The following BLTP2 variants were observed in gnomAD, a reference collection of about 807,000 sequenced individuals.
BLTP2 encodes the protein bridge-like lipid transfer protein family member 2.
chr17:28,637,220 ACAATAGTCCT>A, the BLTP2 span: 1 of 1,420,452 alleles, frequency 7.0e-7, no homozygotes, highest in Non-Finnish European at 9.9e-7. Flanking sequence ...TCAAAGGGCA[ACAATAGTCCT>A]CACTCGCCTT....
At chr17:28,632,158 G>C in the BLTP2 span, 1 of 1,614,154 alleles carries the variant, frequency 6.2e-7, no homozygotes, top group Non-Finnish European at 8.5e-7. Context: ...GATAGGCCTT[G>C]TGACACTTGT....
At chr17:28,643,177 T>C in the BLTP2 span, 1 of 1,614,190 alleles carries the variant, frequency 6.2e-7, no homozygotes, top group South Asian at 1.1e-5. Flanking sequence ...GCAGAAGATC[T>C]TCAATAAGGA....
the BLTP2 span, among the ~76,000 whole-genome samples, chr17:28,615,401 T>C: frequency 6.6e-6 from 1 of 152,174 alleles, no homozygotes; most frequent in Non-Finnish European, 1.5e-5. Context: ...AAGCTTACAG[T>C]CTAATTATAA....
the BLTP2 span, chr17:28,643,773 C>T: frequency 1.9e-6 from 2 of 1,050,976 alleles, no homozygotes; most frequent in Admixed American, 1.9e-5. Context: ...AGCCATGTTG[C>T]CTTGAATCCC....
chr17:28,644,080 A>C, the BLTP2 span: 1 of 1,614,262 alleles, frequency 6.2e-7, no homozygotes, highest in Non-Finnish European at 8.5e-7. Context: ...GTGTTGCTGA[A>C]ACTTAAGACT....
At chr17:28,628,167 G>T in the BLTP2 span, 1 of 1,039,930 alleles carries the variant, frequency 9.6e-7, no homozygotes, top group Middle Eastern at 3.2e-4. Flanking sequence ...TCTTTACCTA[G>T]ATAGAAGCAC....
chr17:28,638,413 A>G, the BLTP2 span: 1 of 1,613,806 alleles, frequency 6.2e-7, no homozygotes, highest in Non-Finnish European at 8.5e-7. Context: ...AGGTGCTGGT[A>G]ATCTGAACAA....
the BLTP2 span, chr17:28,635,939 CA>C: frequency 1.6e-4 from 33 of 203,200 alleles, no homozygotes; most frequent in African/African-American, 7.4e-4. Flanking sequence ...CTCAATAAAT[CA>C]TCTGGCTTCA....
At chr17:28,635,718 A>G in the BLTP2 span, 17 of 1,165,562 alleles carry the variant, frequency 1.5e-5, no homozygotes, top group South Asian at 4.8e-5. Context: ...CTCCACCCAG[A>G]AGTTGTTCCT....
At chr17:28,619,778 A>G in the BLTP2 span, 7 of 1,614,134 alleles carry the variant, frequency 4.3e-6, no homozygotes, top group Non-Finnish European at 5.9e-6. Context: ...TGCAAAGACT[A>G]GGGAACCAGG....
At chr17:28,618,674 CATT>C in the BLTP2 span, 1 of 757,268 alleles carries the variant, frequency 1.3e-6, no homozygotes, top group East Asian at 2.5e-5. Flanking sequence ...ATGATACTAT[CATT>C]AATAATCATA....
At chr17:28,639,275 T>C in the BLTP2 span, 1 of 1,609,918 alleles carries the variant, frequency 6.2e-7, no homozygotes, top group Non-Finnish European at 8.5e-7. Context: ...TCCCAGAGAA[T>C]CCAACTGACA....
chr17:28,635,002 C>T, the BLTP2 span: 1 of 1,613,350 alleles, frequency 6.2e-7, no homozygotes. Context: ...TGGGACAGGG[C>T]TTGGAGAGGC....
At chr17:28,639,641 ATCT>A in the BLTP2 span, 3 of 1,614,046 alleles carry the variant, frequency 1.9e-6, no homozygotes, top group Non-Finnish European at 2.5e-6. Flanking sequence ...ACAACAACCC[ATCT>A]GTAAGAGGCC....
the BLTP2 span, chr17:28,621,224 T>TGA: frequency 4.5e-6 from 7 of 1,566,566 alleles, no homozygotes; most frequent in African/African-American, 9.5e-5. Flanking sequence ...AAAGATAATG[T>TGA]GAGAGCCTCC....
the BLTP2 span, among the ~76,000 whole-genome samples, chr17:28,630,142 G>T: frequency 1.3e-5 from 2 of 152,138 alleles, no homozygotes; most frequent in Non-Finnish European, 2.9e-5. Flanking sequence ...GGGATTACAG[G>T]CATGAGCCAT....
At chr17:28,633,471 T>C in the BLTP2 span, 3 of 1,580,728 alleles carry the variant, frequency 1.9e-6, no homozygotes, top group Non-Finnish European at 2.6e-6. Flanking sequence ...AATCAGCACC[T>C]GTCTCTCTTC....
chr17:28,628,210 G>A, the BLTP2 span: 1 of 1,461,950 alleles, frequency 6.8e-7, no homozygotes, highest in Non-Finnish European at 9.5e-7. Context: ...TCCTGTCCAA[G>A]CCCATATCCA....
chr17:28,634,176 T>A, the BLTP2 span: 1 of 1,127,046 alleles, frequency 8.9e-7, no homozygotes, highest in Non-Finnish European at 1.3e-6. Flanking sequence ...ATTTTACCCA[T>A]CTATATTTAC....
Sources: allele counts gnomAD v4.1 joint callset (sites outside exome capture counted in the v4.1 genomes callset), GRCh38; gene constraint gnomAD v4.1.1; transcripts MANE v1.5; gene names NCBI Gene and HGNC (gene_info 2026-07-23, HGNC 2026-07-21).